RGS7: variants seen among roughly 807,000 people sequenced by gnomAD.
The protein encoded by RGS7 is regulator of G-protein signaling 7.
RGS7 carries 27 observed loss-of-function variants against 81.1 expected under a neutral mutation model. That is an observed-to-expected ratio of 0.33 (90% CI 0.25 to 0.46). The LOEUF is 0.46. Ranked by LOEUF, RGS7 falls within the 20% of genes least tolerant of loss-of-function variation. The pLI is 1.00. For synonymous variants in RGS7, 208 were observed against 207.7 expected, an observed-to-expected ratio of 1.00 and a Z score of -0.01; for missense variants, 396 against 607.4, an observed-to-expected ratio of 0.65 and a Z score of 3.66.
chr1:241,229,677 G>A (rs1019031864), intron 2 of RGS7, among the ~76,000 whole-genome samples: 8 of 152,162 alleles, frequency 5.3e-5, no homozygotes, highest in African/African-American at 1.9e-4. Context: ...TCCTCCCCCA[G>A]GGAAATATGC....
intron 2 of RGS7, among the ~76,000 whole-genome samples, chr1:241,249,259 A>T (rs1325329767): frequency 1.3e-5 from 2 of 151,454 alleles, no homozygotes; most frequent in African/African-American, 2.4e-5. Context: ...TCACTATATG[A>T]TTCACTTTGA....
At chr1:240,944,823 C>T (rs184605239) in intron 4 of RGS7, among the ~76,000 whole-genome samples, 1 of 152,352 alleles carries the variant, frequency 6.6e-6, no homozygotes, top group East Asian at 1.9e-4. Flanking sequence ...AAGCGATTCT[C>T]CTGCCTCCGC....
At chr1:240,875,812 C>A (rs1460912840) in intron 6 of RGS7, among the ~76,000 whole-genome samples, 1 of 152,188 alleles carries the variant, frequency 6.6e-6, no homozygotes, top group Non-Finnish European at 1.5e-5. Context: ...TTTCACATAC[C>A]TGTTGGCCAT....
intron 2 of RGS7, among the ~76,000 whole-genome samples, chr1:241,336,665 A>G (rs2082263941): frequency 6.6e-6 from 1 of 152,236 alleles, no homozygotes; most frequent in African/African-American, 2.4e-5. Context: ...TCTTAGGACT[A>G]TATGAATGAT....
intron 2 of RGS7, among the ~76,000 whole-genome samples, chr1:241,101,427 C>G (rs1553419525): frequency 6.6e-6 from 1 of 151,862 alleles, no homozygotes; most frequent in Non-Finnish European, 1.5e-5. Context: ...ACCCCAGAGG[C>G]AGAGCTTGCA....
intron 3 of RGS7, among the ~76,000 whole-genome samples, chr1:241,047,621 A>C (rs1483763324): frequency 6.6e-6 from 1 of 152,180 alleles, no homozygotes; most frequent in Non-Finnish European, 1.5e-5. Flanking sequence ...GTACTTACTA[A>C]ATTGAAAGGA....
chr1:241,181,415 T>C (rs1283273539), intron 2 of RGS7, among the ~76,000 whole-genome samples: 3 of 152,254 alleles, frequency 2.0e-5, no homozygotes, highest in South Asian at 4.1e-4. Flanking sequence ...GAACAGTACT[T>C]CGGCCATAGA....
chr1:241,057,146 T>A (rs1459042068), intron 3 of RGS7, among the ~76,000 whole-genome samples: 2 of 152,092 alleles, frequency 1.3e-5, no homozygotes, highest in Non-Finnish European at 2.9e-5. Flanking sequence ...AAATTGATAA[T>A]TTTATATTAT....
At chr1:241,199,613 A>G (rs1573094184) in intron 2 of RGS7, among the ~76,000 whole-genome samples, 1 of 144,240 alleles carries the variant, frequency 6.9e-6, no homozygotes, top group Non-Finnish European at 1.5e-5. Context: ...AAGCCAAAAC[A>G]TGTGAGGATT....
chr1:241,216,422 C>A (rs776325203), intron 2 of RGS7, among the ~76,000 whole-genome samples: 3 of 152,124 alleles, frequency 2.0e-5, no homozygotes, highest in Non-Finnish European at 2.9e-5. Flanking sequence ...GTGTTCATGG[C>A]GTGACTGTAA....
intron 2 of RGS7, among the ~76,000 whole-genome samples, chr1:241,176,041 G>A (rs1233158449): frequency 6.6e-6 from 1 of 152,144 alleles, no homozygotes; most frequent in Non-Finnish European, 1.5e-5. Flanking sequence ...ATAGGACCTC[G>A]GACTTACCAC....
At chr1:241,242,439 T>C (rs1265854354) in intron 2 of RGS7, among the ~76,000 whole-genome samples, 1 of 152,208 alleles carries the variant, frequency 6.6e-6, no homozygotes, top group Non-Finnish European at 1.5e-5. Flanking sequence ...TATAAACATG[T>C]GTGTACAAGT....
intron 3 of RGS7, among the ~76,000 whole-genome samples, chr1:241,016,591 G>A (rs1219455760): frequency 3.3e-5 from 5 of 151,668 alleles, no homozygotes; most frequent in South Asian, 2.1e-4. Flanking sequence ...CCATAACAAC[G>A]TGAGAACAAA....
At chr1:241,184,449 T>C (rs764519313) in intron 2 of RGS7, among the ~76,000 whole-genome samples, 5 of 152,196 alleles carry the variant, frequency 3.3e-5, no homozygotes, top group Non-Finnish European at 7.3e-5. Flanking sequence ...GGTAATGATA[T>C]GCAGGTTGAG....
chr1:241,089,863 G>A (rs1200242517), intron 3 of RGS7, among the ~76,000 whole-genome samples: 8 of 151,696 alleles, frequency 5.3e-5, no homozygotes, highest in Non-Finnish European at 8.8e-5. Flanking sequence ...AAAATTAGCC[G>A]GGCGCCTGTA....
chr1:240,867,536 A>G (rs1183235231), intron 9 of RGS7, among the ~76,000 whole-genome samples: 1 of 152,208 alleles, frequency 6.6e-6, no homozygotes, highest in Non-Finnish European at 1.5e-5. Context: ...AAGGATATTC[A>G]TTAATATTAC....
intron 3 of RGS7, among the ~76,000 whole-genome samples, chr1:241,031,853 A>C (rs1463581881): frequency 6.6e-6 from 1 of 151,952 alleles, no homozygotes; most frequent in Non-Finnish European, 1.5e-5. Flanking sequence ...TTGATTATTT[A>C]AGTTCCTCGT....
chr1:240,796,711 A>G (rs16840608), intron 18 of RGS7, among the ~76,000 whole-genome samples: 4,525 of 152,208 alleles, frequency 0.03, 218 homozygotes, highest in African/African-American at 0.1. Flanking sequence ...AACAACAAAC[A>G]GATTTGATCC....
intron 2 of RGS7, among the ~76,000 whole-genome samples, chr1:241,179,147 T>G (rs2071396405): frequency 6.6e-6 from 1 of 152,174 alleles, no homozygotes; most frequent in African/African-American, 2.4e-5. Context: ...CAGATTGGAG[T>G]GCAGTGGCAC....
Sources: allele counts gnomAD v4.1 joint callset (sites outside exome capture counted in the v4.1 genomes callset), GRCh38; gene constraint gnomAD v4.1.1; transcripts MANE v1.5; gene names NCBI Gene and HGNC (gene_info 2026-07-23, HGNC 2026-07-21).